Variants in BCAS3 observed in about 807,000 individuals in gnomAD.
The protein encoded by BCAS3 is BCAS4/BCAS3 fusion.
In BCAS3, 53 loss-of-function variants were observed where a neutral mutation model predicts 116.1. That is an observed-to-expected ratio of 0.46 (90% confidence interval 0.37 to 0.57). BCAS3 has a LOEUF of 0.57. Among genes scored for constraint, BCAS3 ranks in the 20% least tolerant of loss-of-function variants. The pLI is 0.00. For missense variants in BCAS3, 917 were observed against 1,165.4 expected (o/e 0.79, Z 3.10); for synonymous variants, 391 against 408.2 (o/e 0.96, Z 0.51).
chr17:60,729,750 T>G (rs2144151292), intron 5 of BCAS3, among the ~76,000 whole-genome samples: 2 of 152,282 alleles, frequency 1.3e-5, no homozygotes, highest in Middle Eastern at 6.8e-3. Context: ...TGAACCAAAA[T>G]TGGTTTATCT....
At chr17:61,111,484 C>A (rs2075087896) in intron 22 of BCAS3, among the ~76,000 whole-genome samples, 1 of 151,860 alleles carries the variant, frequency 6.6e-6, no homozygotes, top group Admixed American at 6.6e-5. Context: ...GAAAGGGTAT[C>A]AGCGACGGAA....
intron 5 of BCAS3, among the ~76,000 whole-genome samples, chr17:60,746,188 A>G (rs1407952057): frequency 6.6e-6 from 1 of 152,170 alleles, no homozygotes; most frequent in East Asian, 1.9e-4. Flanking sequence ...TATTTCATCA[A>G]ACACTAGGCA....
At chr17:60,839,599 ATTTTC>A (rs1460205924) in intron 7 of BCAS3, among the ~76,000 whole-genome samples, 3 of 152,102 alleles carry the variant, frequency 2.0e-5, no homozygotes, top group African/African-American at 7.2e-5. Context: ...TTACGTTTCC[ATTTTC>A]TTTTCTTTTT....
chr17:61,348,796 A>G lies in BCAS3; in HGVS notation c.2426-19531A>G, dbSNP rs1222236267. 1.4e-5 allele frequency among the ~76,000 whole-genome samples: 2 copies of G among 141,540 alleles called. No homozygotes were observed. The highest frequency in any genetic ancestry group is 2.3e-4 in the South Asian group (1 of 4,440). The allele number at this position is 141,540 out of a possible 152,430, so 92.9% of individuals were successfully genotyped here. A position where few individuals can be genotyped will look rare whatever the true frequency, so the allele number is the denominator to read the frequency against. On this transcript the variant is annotated intron_variant, in intron 22 of 23. Coordinates refer to ENST00000407086, the MANE Select transcript of BCAS3 (RefSeq NM_017679.5). This position sits in a 1 kb window ranked among gnomAD's most constrained non-coding sequence, Gnocchi z 4.5. ...GAAACAGAGTCTCACTCTGTCGCCG[A>G]GGCTGGAGTGCAGTGGCATGATACC...
intron 22 of BCAS3, among the ~76,000 whole-genome samples, chr17:61,201,996 G>A (rs1262787741): frequency 6.7e-6 from 1 of 149,682 alleles, no homozygotes; most frequent in Non-Finnish European, 1.5e-5. Flanking sequence ...CTGACCTCGT[G>A]ATCCTCCCAC....
intron 6 of BCAS3, among the ~76,000 whole-genome samples, chr17:60,788,999 A>T (rs1455469041): frequency 4.6e-5 from 7 of 152,186 alleles, no homozygotes; most frequent in Admixed American, 3.9e-4. Flanking sequence ...AACTGAATCA[A>T]ATCTATCTTA....
In BCAS3 at chr17:61,315,116, T is replaced by A. The variant is rs1021088627; in HGVS notation, c.2426-53211T>A. ...ACACTGCTCAGCCTACACTCCCTTTTCTTTTTCTTTTTTTCGCGAGACAGA... is the reference window on the plus strand; with the variant it reads ...ACACTGCTCAGCCTACACTCCCTTTACTTTTTCTTTTTTTCGCGAGACAGA... On this transcript the variant is annotated intron_variant, in intron 22 of 23. Coordinates refer to ENST00000407086, the MANE Select transcript of BCAS3 (RefSeq NM_017679.5). The surrounding 1 kb of genome is among the most constrained non-coding windows in gnomAD (Gnocchi z 5.3). Among the ~76,000 whole-genome samples, 5 of 152,182 alleles carry A rather than the reference T, an allele frequency of 3.3e-5. No homozygotes were observed. Among genetic ancestry groups the A allele is most frequent in the Non-Finnish European group, 5.9e-5 (4 of 67,988 alleles).
chr17:60,941,883 C>T (rs1348497010), intron 13 of BCAS3, among the ~76,000 whole-genome samples: 1 of 152,234 alleles, frequency 6.6e-6, no homozygotes, highest in Non-Finnish European at 1.5e-5. Flanking sequence ...TGATTTAAAA[C>T]GAAATTTAAT....
intron 10 of BCAS3, among the ~76,000 whole-genome samples, chr17:60,899,593 G>A (rs192954244): frequency 7.7e-4 from 117 of 152,178 alleles, no homozygotes; most frequent in African/African-American, 2.7e-3. Flanking sequence ...CACTTCCTGG[G>A]TTCAAGCAGT....
At chr17:61,202,241 C>T (rs909257983) in intron 22 of BCAS3, among the ~76,000 whole-genome samples, 1 of 150,222 alleles carries the variant, frequency 6.7e-6, no homozygotes, top group Admixed American at 6.7e-5. Context: ...GGGTTCACGC[C>T]GTTCTCCTGC....
At chr17:60,697,975 T>C in intron 4 of BCAS3, among the ~76,000 whole-genome samples, 1 of 151,778 alleles carries the variant, frequency 6.6e-6, no homozygotes, top group Non-Finnish European at 1.5e-5. Context: ...GTCAGGAGAT[T>C]GAGACCATCC....
At position 60,786,547 on chromosome 17, in the gene BCAS3, G is replaced by GTATATATATATATATATA. The variant is rs72319489; in HGVS notation, c.404-21450_404-21433dup. ...AACATTCCCCACTGCCTGCAAATGT[G>GTATATATATATATATATA]TATATATATATATATATATATATAA... On this transcript the variant is annotated intron_variant, in intron 6 of 23. Coordinates refer to ENST00000407086, the MANE Select transcript of BCAS3 (RefSeq NM_017679.5). Among the ~76,000 whole-genome samples, 410 of 140,658 alleles carry GTATATATATATATATATA rather than the reference G, an allele frequency of 2.9e-3. 6 individuals carry two copies. The highest frequency in any genetic ancestry group is 9.7e-3 in the African/African-American group (380 of 38,990). 92.3% of individuals were successfully genotyped at this position (140,658 alleles called of 152,430 possible).
intron 22 of BCAS3, among the ~76,000 whole-genome samples, chr17:61,320,716 C>T (rs1035953080): frequency 6.6e-6 from 1 of 151,764 alleles, no homozygotes; most frequent in Non-Finnish European, 1.5e-5. Context: ...CAAATTTTCT[C>T]AGCCTATTTC....
intron 22 of BCAS3, among the ~76,000 whole-genome samples, chr17:61,252,593 A>AAT (rs2048451621): frequency 6.6e-6 from 1 of 150,808 alleles, no homozygotes; most frequent in South Asian, 2.1e-4. Flanking sequence ...AAAAAAAAAA[A>AAT]GCCTGGGAAT....
intron 6 of BCAS3, among the ~76,000 whole-genome samples, chr17:60,794,568 G>T (rs1003385021): frequency 1.6e-4 from 25 of 152,120 alleles, no homozygotes; most frequent in African/African-American, 5.1e-4. Flanking sequence ...TCCATCTTGG[G>T]TTGATTTTTG....
intron 5 of BCAS3, among the ~76,000 whole-genome samples, chr17:60,711,263 A>G (rs2037893237): frequency 6.6e-6 from 1 of 151,160 alleles, no homozygotes; most frequent in African/African-American, 2.4e-5. Context: ...TGTAGTTGAC[A>G]TTTTTCAAGG....
chr17:61,334,579 G>C (rs1341963378), intron 22 of BCAS3, among the ~76,000 whole-genome samples: 1 of 145,034 alleles, frequency 6.9e-6, no homozygotes, highest in Non-Finnish European at 1.5e-5. Flanking sequence ...CAGGATAATC[G>C]CTTGAACCTG....
At chr17:61,027,692 C>G (rs1032756206) in intron 16 of BCAS3, among the ~76,000 whole-genome samples, 4 of 151,868 alleles carry the variant, frequency 2.6e-5, no homozygotes, top group African/African-American at 9.7e-5. Context: ...CACTTACTAG[C>G]TATATGATTT....
intron 4 of BCAS3, among the ~76,000 whole-genome samples, chr17:60,705,512 C>CAAAAAAAAAAAAAAAAAA (rs1033436210): frequency 1.6e-5 from 1 of 61,878 alleles, no homozygotes. Context: ...AGACTTGTCT[C>CAAAAAAAAAAAAAAAAAA]AAAAAAAAAA....
Sources: gnomAD v4.1 joint callset for allele counts (sites outside exome capture counted in the v4.1 genomes callset) on GRCh38, gnomAD v4.1.1 for gene constraint, Gnocchi (gnomAD v3.1) non-coding constraint, MANE v1.5 for transcripts, NCBI Gene and HGNC (gene_info 2026-07-23, HGNC 2026-07-21) for gene names.